ABCC11: variants seen among roughly 807,000 people sequenced by gnomAD.
ABCC11 encodes the protein ATP binding cassette subfamily C member 11.
A neutral mutation model predicts 149.3 loss-of-function variants in ABCC11; 135 were observed. The ratio of observed to expected loss-of-function variants is 0.90; its 90% CI spans 0.79 to 1.04. The LOEUF (loss-of-function observed/expected upper bound fraction) is 1.04. ABCC11 is among the 50% of genes least tolerant of loss of function. The pLI, the probability that ABCC11 is intolerant of heterozygous loss-of-function variation, is 0.00. For missense variants in ABCC11, 1,680 were observed against 1,722.1 expected (o/e 0.98, Z 0.43); for synonymous variants, 665 against 671.4 (o/e 0.99, Z 0.15).
At chr16:48,228,928 T>C (rs1005086089) in intron 3 of ABCC11, among the ~76,000 whole-genome samples, 3 of 152,084 alleles carry the variant, frequency 2.0e-5, no homozygotes, top group Non-Finnish European at 1.5e-5. Flanking sequence ...AAATTGCCTT[T>C]AAGTTTATGT....
At chr16:48,193,760 C>T in intron 19 of ABCC11, 119 bp downstream of exon 19, 2 of 806,808 alleles carry the variant, frequency 2.5e-6, no homozygotes, top group Non-Finnish European at 3.9e-6. Flanking sequence ...AACACCAGCT[C>T]TGGGCTTGTC....
At chr16:48,224,508 C>A (rs9927238) in intron 4 of ABCC11, 79 bp from the exon 5 acceptor site, 142,247 of 1,511,544 alleles carry the variant, frequency 0.094, 7,738 homozygotes, top group African/African-American at 0.23. Flanking sequence ...TAGCCAGGAG[C>A]TTTGTTGCAG....
intron 1 of ABCC11, among the ~76,000 whole-genome samples, chr16:48,233,843 T>C (rs560783441): frequency 1.5e-3 from 222 of 152,372 alleles, no homozygotes; most frequent in African/African-American, 5.0e-3. Flanking sequence ...CTTGACATTT[T>C]GCTCTATGTT....
rs750790976 is a variant in ABCC11, at chr16:48,167,596, G to T, written c.3956C>A (p.Thr1319Lys). The change falls in exon 29 of 30, where the codon ACA (threonine) becomes AAA (lysine). Residue 1319 changes from threonine (T) to lysine (K), a missense_variant. Thr to Lys is a moderately conservative substitution (Grantham distance 78, BLOSUM62 -1). Transcript: ENST00000356608. ...GCAGCCCTGGAAGGCTTCACGGATT[G>T]TGCGCTGGATCAGGGTGTCTGTCTC... ...DMETDTLIQR[T>K]IREAFQGCTV... 4 of 1,612,358 alleles carry T rather than the reference G, an allele frequency of 2.5e-6. No individual in the cohort carries two copies. In the African/African-American group the frequency reaches 5.3e-5, roughly 22 times the overall value.
intron 12 of ABCC11, among the ~76,000 whole-genome samples, chr16:48,207,340 G>A (rs1294175550): frequency 6.6e-6 from 1 of 152,148 alleles, no homozygotes; most frequent in Non-Finnish European, 1.5e-5. Flanking sequence ...TGACCCCAAA[G>A]GATCTGGGGA....
At position 48,178,705 on chromosome 16, in the gene ABCC11, A is replaced by T; in HGVS notation, c.3259-19T>A. The T allele has an allele frequency of 6.2e-7, 1 of 1,612,430 alleles. No individual in the cohort carries two copies. Among genetic ancestry groups the T allele is most frequent in the Non-Finnish European group, 8.5e-7 (1 of 1,178,582 alleles). On this transcript the variant is annotated intron_variant, in intron 23 of 29. Coordinates refer to ENST00000356608, the MANE Select transcript of ABCC11 (RefSeq NM_001370497.1). ...ACGCCAGCTAGAAGGAAGGAGAAGTATCGGGGGTCAAGAGGCTGCTGGGGT... is the reference window on the plus strand; with the variant it reads ...ACGCCAGCTAGAAGGAAGGAGAAGTTTCGGGGGTCAAGAGGCTGCTGGGGT...
At chr16:48,185,087 C>G (rs1966675914) in intron 22 of ABCC11, among the ~76,000 whole-genome samples, 1 of 152,168 alleles carries the variant, frequency 6.6e-6, no homozygotes, top group Non-Finnish European at 1.5e-5. Context: ...CCATGGAAGG[C>G]AGAGCAGTAA....
At chr16:48,185,136 T>G (rs922971464) in intron 22 of ABCC11, among the ~76,000 whole-genome samples, 1 of 152,174 alleles carries the variant, frequency 6.6e-6, no homozygotes, top group African/African-American at 2.4e-5. Context: ...AGTCTCTGGA[T>G]TAAGCCTCAC....
Position 48,216,280 on chromosome 16 carries a change from C to T in ABCC11, c.785G>A (p.Ser262Asn). Residue 262 changes from serine (S) to asparagine (N), a missense_variant, in exon 7 of 30, where the codon AGC (serine) becomes AAC (asparagine). Ser to Asn is a conservative substitution (Grantham distance 46). Coordinates refer to ENST00000356608, the MANE Select transcript of ABCC11 (RefSeq NM_001370497.1). ...VIHITSGEAI[S>N]FFTGDVNYLF... ...GTAGTTTACATCACCGGTGAAGAAG[C>T]TGATGGCCTGCAAGACAGCAAGTTG... 6.2e-7 allele frequency: 1 copy of T among 1,612,708 alleles called. No individual in the cohort carries two copies. The highest frequency in any genetic ancestry group is 8.5e-7 in the Non-Finnish European group (1 of 1,179,676).
chr16:48,209,146 A>C (rs1278050921), intron 11 of ABCC11, among the ~76,000 whole-genome samples: 3 of 152,226 alleles, frequency 2.0e-5, no homozygotes, highest in East Asian at 3.9e-4. Flanking sequence ...TCTACAGAGC[A>C]GGTGTCATTG....
intron 13 of ABCC11, among the ~76,000 whole-genome samples, chr16:48,204,440 T>C (rs1968258739): frequency 6.6e-6 from 1 of 152,034 alleles, no homozygotes; most frequent in Non-Finnish European, 1.5e-5. Flanking sequence ...ATACAAGAGA[T>C]ATGTAGGAGA....
At chr16:48,225,028 A>G (rs532912441) in intron 4 of ABCC11, among the ~76,000 whole-genome samples, 1 of 147,428 alleles carries the variant, frequency 6.8e-6, no homozygotes, top group East Asian at 2.0e-4. Context: ...ATCTCAAAAA[A>G]TACAAAAAAC....
At chr16:48,201,587 A>G (rs1378085208) in intron 14 of ABCC11, among the ~76,000 whole-genome samples, 2 of 143,448 alleles carry the variant, frequency 1.4e-5, no homozygotes, top group African/African-American at 2.6e-5. Context: ...TGCTGGGGTT[A>G]CACTGGACCT....
At chr16:48,220,890 T>C (rs933988623) in intron 6 of ABCC11, among the ~76,000 whole-genome samples, 2 of 152,188 alleles carry the variant, frequency 1.3e-5, no homozygotes, top group Non-Finnish European at 2.9e-5. Flanking sequence ...ATGGTTTGTG[T>C]CTTTGAAGGG....
Position 48,167,103 on chromosome 16 carries a change from A to C in ABCC11, c.*171T>G, listed in dbSNP as rs2150697735. The C allele has an allele frequency of 4.9e-6, 3 of 611,820 alleles. No homozygotes were observed. The South Asian group carries it at 5.7e-5, about 12-fold the overall frequency. The allele number at this position is 611,820 out of a possible 1,614,324, so 37.9% of individuals were successfully genotyped here. ...TCTAAGGTCTTGAGAGCCATCAAGT[A>C]GCCTATTCCAGGGTTTCCATCCAGC... On this transcript the variant is annotated 3_prime_UTR_variant, in exon 30 of 30. Coordinates refer to ENST00000356608, the MANE Select transcript of ABCC11 (RefSeq NM_001370497.1).
chr16:48,236,143 C>T (rs1049404819), intron 1 of ABCC11, among the ~76,000 whole-genome samples: 18 of 152,204 alleles, frequency 1.2e-4, no homozygotes, highest in Admixed American at 9.8e-4. Context: ...TTATTTCCTT[C>T]TGTTAGTTTC....
chr16:48,226,072 C>CATTATTATTAATATTATTATT (rs1970049958), intron 4 of ABCC11, among the ~76,000 whole-genome samples: 1 of 150,130 alleles, frequency 6.7e-6, no homozygotes, highest in African/African-American at 2.5e-5. Context: ...TTTCCAGGTA[C>CATTATTATTAATATTATTATT]ATTATTATTA....
intron 23 of ABCC11, among the ~76,000 whole-genome samples, chr16:48,179,442 C>T (rs901628764): frequency 7.9e-5 from 12 of 152,298 alleles, no homozygotes; most frequent in Middle Eastern, 3.4e-3. Flanking sequence ...CTTGGGGCCC[C>T]GGTCTATAAC....
Position 48,177,057 on chromosome 16 carries a change from C to A in ABCC11, c.3405G>T (p.Trp1135Cys). The A allele has an allele frequency of 6.2e-7, 1 of 1,614,152 alleles. No individual in the cohort carries two copies. Among genetic ancestry groups the A allele is most frequent in the East Asian group, 2.2e-5 (1 of 44,874 alleles). ...GAAATATGATTTCCCCATGCTGTGGCCACCCCTGGGGACAACTTGTGCCTT... is the reference window on the plus strand; with the variant it reads ...GAAATATGATTTCCCCATGCTGTGGACACCCCTGGGGACAACTTGTGCCTT... ...HMEGTSCPQG[W>C]PQHGEIIFQD... Residue 1135 changes from tryptophan to cysteine, a missense_variant, in exon 25 of 30, where the codon TGG becomes TGT. By Grantham distance (215) the Trp-to-Cys change is radical (BLOSUM62 -2). Transcript: ENST00000356608.
Sources: gnomAD v4.1 joint callset for allele counts (sites outside exome capture counted in the v4.1 genomes callset) on GRCh38, gnomAD v4.1.1 for gene constraint, MANE v1.5 for transcripts, NCBI Gene and HGNC (gene_info 2026-07-23, HGNC 2026-07-21) for gene names.